TCF7L1: variants seen among roughly 807,000 people sequenced by gnomAD.
The protein encoded by TCF7L1 is transcription factor 7-like 1.
A neutral mutation model predicts 63.7 loss-of-function variants in TCF7L1; 18 were observed. The ratio of observed to expected loss-of-function variants is 0.28; its 90% CI spans 0.20 to 0.42. The LOEUF is 0.42. TCF7L1 is among the 10% of genes least tolerant of loss of function. TCF7L1 has a pLI of 1.00. For synonymous variants in TCF7L1, 355 were observed against 340.9 expected (o/e 1.04, Z -0.46); for missense variants, 654 against 779.3 (o/e 0.84, Z 1.91).
At chr2:85,270,197 A>G (rs1681116973) in intron 3 of TCF7L1, among the ~76,000 whole-genome samples, 1 of 152,218 alleles carries the variant, frequency 6.6e-6, no homozygotes, top group Admixed American at 6.5e-5. Flanking sequence ...CACTGATTAT[A>G]CACAGATCCT....
intron 3 of TCF7L1, among the ~76,000 whole-genome samples, chr2:85,233,475 C>A (rs1290067244): frequency 6.6e-6 from 1 of 151,834 alleles, no homozygotes; most frequent in Non-Finnish European, 1.5e-5. Context: ...ACCACCACGC[C>A]TGGCTAATTT....
chr2:85,222,265 C>G (rs1464913523), intron 3 of TCF7L1, among the ~76,000 whole-genome samples: 1 of 150,686 alleles, frequency 6.6e-6, no homozygotes, highest in Non-Finnish European at 1.5e-5. Context: ...CGCTTGAAAC[C>G]AGAAGGTGGA....
In TCF7L1 at chr2:85,302,027, C is replaced by T. The variant is rs540335747; in HGVS notation, c.526-457C>T. On this transcript the variant is annotated intron_variant, in intron 4 of 11. Transcript: ENST00000282111. Reference sequence around the variant, plus strand: ...CCTGTAATCCCAGCTACTCCAGAGGCTGAGACAGGAGAATTGCTGGAATCC... The same window carrying T: ...CCTGTAATCCCAGCTACTCCAGAGGTTGAGACAGGAGAATTGCTGGAATCC... Among the ~76,000 whole-genome samples, 9 of 152,184 alleles carry T rather than the reference C, an allele frequency of 5.9e-5. No individual in the cohort carries two copies. In the East Asian group the frequency reaches 1.5e-3, roughly 26 times the overall value.
At chr2:85,281,661 A>C (rs1207214056) in intron 3 of TCF7L1, among the ~76,000 whole-genome samples, 1 of 152,118 alleles carries the variant, frequency 6.6e-6, no homozygotes, top group Admixed American at 6.6e-5. Flanking sequence ...GGGGGTACAG[A>C]GGTCGCAAAG....
At chr2:85,180,028 G>A (rs1259619516) in intron 3 of TCF7L1, among the ~76,000 whole-genome samples, 4 of 152,076 alleles carry the variant, frequency 2.6e-5, no homozygotes, top group African/African-American at 9.7e-5. Flanking sequence ...CTCCTGTGTA[G>A]GGTGTCACTG....
Position 85,175,226 on chromosome 2 carries a change from G to A in TCF7L1, c.441+40776G>A, listed in dbSNP as rs557778079. ...AGTTGTACAATGCTCTTTGGACAGG[G>A]GATCAGGTTTAAATCAGTTTGAAGC... On this transcript the variant is annotated intron_variant, in intron 3 of 11. Coordinates refer to ENST00000282111, the MANE Select transcript of TCF7L1 (RefSeq NM_031283.3). Among the ~76,000 whole-genome samples the A allele has an allele frequency of 2.0e-5, 3 of 152,272 alleles. No homozygotes were observed. In the East Asian group the frequency reaches 5.8e-4, roughly 29 times the overall value.
intron 3 of TCF7L1, among the ~76,000 whole-genome samples, chr2:85,210,813 G>A (rs1000209274): frequency 2.0e-5 from 3 of 152,200 alleles, no homozygotes; most frequent in Non-Finnish European, 4.4e-5. Flanking sequence ...CAACAGCCCT[G>A]TGAGGTGGCG....
At chr2:85,153,865 T>G (rs1273693071) in intron 3 of TCF7L1, among the ~76,000 whole-genome samples, 1 of 152,258 alleles carries the variant, frequency 6.6e-6, no homozygotes, top group African/African-American at 2.4e-5. Context: ...TCCCTCTTTT[T>G]TATGCACAGT....
At chr2:85,209,426 C>T (rs542023097) in intron 3 of TCF7L1, among the ~76,000 whole-genome samples, 59 of 152,362 alleles carry the variant, frequency 3.9e-4, no homozygotes, top group Middle Eastern at 3.4e-3. Flanking sequence ...AGTGCCAGTA[C>T]TTGCTGGGAA....
intron 3 of TCF7L1, among the ~76,000 whole-genome samples, chr2:85,188,271 A>C (rs923766322): frequency 1.3e-5 from 2 of 152,208 alleles, no homozygotes; most frequent in Admixed American, 6.5e-5. Flanking sequence ...ATACACACAC[A>C]CACACGAGTG....
At chr2:85,225,226 T>G (rs1558639066) in intron 3 of TCF7L1, among the ~76,000 whole-genome samples, 1 of 152,194 alleles carries the variant, frequency 6.6e-6, no homozygotes, top group East Asian at 1.9e-4. Flanking sequence ...GCCTCCAGCT[T>G]TGTTCTTTTT....
chr2:85,269,528 C>T (rs865978998), intron 3 of TCF7L1, among the ~76,000 whole-genome samples: 5 of 152,046 alleles, frequency 3.3e-5, no homozygotes, highest in South Asian at 2.1e-4. Flanking sequence ...ACCATGTTGC[C>T]CAGGCTACTG....
chr2:85,141,030 A>T (rs1677725529), intron 3 of TCF7L1, among the ~76,000 whole-genome samples: 1 of 152,082 alleles, frequency 6.6e-6, no homozygotes, highest in South Asian at 2.1e-4. Context: ...TTGTGCCTGT[A>T]ATCCCAGCTA....
chr2:85,213,411 G>A (rs1381412984), intron 3 of TCF7L1, among the ~76,000 whole-genome samples: 1 of 152,124 alleles, frequency 6.6e-6, no homozygotes, highest in Non-Finnish European at 1.5e-5. Flanking sequence ...ACACTTAGAA[G>A]TAATACCCAA....
At chr2:85,255,921 C>T (rs887957975) in intron 3 of TCF7L1, among the ~76,000 whole-genome samples, 3 of 152,136 alleles carry the variant, frequency 2.0e-5, no homozygotes, top group African/African-American at 7.2e-5. Context: ...TTGTCTGAGC[C>T]CCTTGCACCC....
At position 85,277,865 on chromosome 2, in the gene TCF7L1, C is replaced by T. The variant is rs184631707; in HGVS notation, c.442-5630C>T. Among the ~76,000 whole-genome samples the T allele has an allele frequency of 1.7e-3, 266 of 152,214 alleles. 1 individual carries two copies. The highest frequency in any genetic ancestry group is 2.4e-3 in the Non-Finnish European group (160 of 68,018). Reference sequence around the variant, plus strand: ...AACGTGCGAACAGGGAGAATGTGGGCATTCCCCCGAGCCCTGTAGAGTCCT... The same window carrying T: ...AACGTGCGAACAGGGAGAATGTGGGTATTCCCCCGAGCCCTGTAGAGTCCT... On this transcript the variant is annotated intron_variant, in intron 3 of 11. Coordinates refer to ENST00000282111, the MANE Select transcript of TCF7L1 (RefSeq NM_031283.3).
intron 3 of TCF7L1, among the ~76,000 whole-genome samples, chr2:85,237,380 C>T (rs1178172932): frequency 6.6e-6 from 1 of 152,060 alleles, no homozygotes; most frequent in Non-Finnish European, 1.5e-5. Flanking sequence ...GCCCTGGTGA[C>T]TCCGAGGTCT....
chr2:85,204,292 C>CCA (rs1558632954), intron 3 of TCF7L1, among the ~76,000 whole-genome samples: 2 of 5,902 alleles, frequency 3.4e-4, no homozygotes, highest in African/African-American at 2.2e-3. Context: ...TAACTTGCTT[C>CCA]CCCCCCCCCC....
At chr2:85,206,452 A>C (rs963848032) in intron 3 of TCF7L1, among the ~76,000 whole-genome samples, 1 of 152,216 alleles carries the variant, frequency 6.6e-6, no homozygotes, top group African/African-American at 2.4e-5. Context: ...ACAAAACAGT[A>C]ATCTCTGCCA....
Sources: allele counts gnomAD v4.1 joint callset (sites outside exome capture counted in the v4.1 genomes callset), GRCh38; gene constraint gnomAD v4.1.1; transcripts MANE v1.5; gene names NCBI Gene and HGNC (gene_info 2026-07-23, HGNC 2026-07-21).